The following PIWIL2 variants were observed in gnomAD, a reference collection of about 807,000 sequenced individuals.
PIWIL2 encodes piwi-like protein 2.
In PIWIL2, 81 loss-of-function variants were observed where a neutral mutation model predicts 116.5. That is an observed-to-expected ratio of 0.70 (90% confidence interval 0.58 to 0.84). The LOEUF (loss-of-function observed/expected upper bound fraction) is 0.84, where lower values mean the gene tolerates loss of function less well. Ranked by LOEUF, PIWIL2 falls within the 40% of genes least tolerant of loss-of-function variation. The pLI is 0.00. For synonymous variants in PIWIL2, 489 were observed against 429.5 expected (o/e 1.14, Z -1.71); for missense variants, 1,272 against 1,212.3 (o/e 1.05, Z -0.73).
chr8:22,307,473 A>T (rs1165185981), intron 13 of PIWIL2, among the ~76,000 whole-genome samples: 114 of 111,204 alleles, frequency 1.0e-3, no homozygotes, highest in Middle Eastern at 4.6e-3. Flanking sequence ...TTTATTATTC[A>T]TTTTTTTTTT....
intron 20 of PIWIL2, among the ~76,000 whole-genome samples, chr8:22,325,583 A>G (rs1831706464): frequency 6.9e-6 from 1 of 144,040 alleles, no homozygotes; most frequent in South Asian, 2.2e-4. Context: ...TCCCAGGTTC[A>G]AGTGATTCTC....
chr8:22,313,608 A>G (rs1038034218), intron 16 of PIWIL2, among the ~76,000 whole-genome samples: 1 of 152,246 alleles, frequency 6.6e-6, no homozygotes, highest in East Asian at 1.9e-4. Flanking sequence ...CATTACACCA[A>G]TCTTGATTTG....
intron 20 of PIWIL2, among the ~76,000 whole-genome samples, chr8:22,340,999 C>A (rs1047501428): frequency 6.6e-6 from 1 of 152,110 alleles, no homozygotes; most frequent in African/African-American, 2.4e-5. Context: ...AGGCATGAAC[C>A]ACTGCACCCT....
intron 4 of PIWIL2, among the ~76,000 whole-genome samples, chr8:22,282,599 T>C (rs1271391158): frequency 6.7e-6 from 1 of 148,396 alleles, no homozygotes; most frequent in Non-Finnish European, 1.5e-5. Flanking sequence ...ATATGTTGTG[T>C]TTTTTTTTTG....
At chr8:22,292,961 C>T (rs954995004) in intron 10 of PIWIL2, among the ~76,000 whole-genome samples, 6 of 152,094 alleles carry the variant, frequency 3.9e-5, no homozygotes, top group Admixed American at 3.3e-4. Context: ...GTGCAGGAGC[C>T]CAGTCCAAGC....
intron 20 of PIWIL2, among the ~76,000 whole-genome samples, chr8:22,334,713 T>C (rs1371358448): frequency 6.6e-6 from 1 of 152,016 alleles, no homozygotes; most frequent in African/African-American, 2.4e-5. Flanking sequence ...CCCAAAGCAC[T>C]GGGATTACAG....
intron 20 of PIWIL2, among the ~76,000 whole-genome samples, chr8:22,342,127 A>G (rs948457878): frequency 5.3e-5 from 8 of 150,124 alleles, no homozygotes; most frequent in African/African-American, 1.7e-4. Context: ...AGATGTACAC[A>G]TGGAAAACTA....
intron 6 of PIWIL2, among the ~76,000 whole-genome samples, chr8:22,286,945 G>T (rs1245366742): frequency 2.6e-5 from 4 of 151,924 alleles, no homozygotes. Flanking sequence ...TTTTTAGTCA[G>T]GTGTGGTGGT....
At chr8:22,334,094 C>G (rs1831924409) in intron 20 of PIWIL2, among the ~76,000 whole-genome samples, 1 of 151,530 alleles carries the variant, frequency 6.6e-6, no homozygotes, top group South Asian at 2.1e-4. Context: ...GTGCCTCAGC[C>G]TCCTGAGTAG....
intron 4 of PIWIL2, among the ~76,000 whole-genome samples, chr8:22,282,798 T>A (rs1830541188): frequency 6.6e-6 from 1 of 151,930 alleles, no homozygotes; most frequent in African/African-American, 2.4e-5. Flanking sequence ...CTGTATTGTT[T>A]AGGCTGGTCT....
chr8:22,331,988 A>G (rs1180849114), intron 20 of PIWIL2, among the ~76,000 whole-genome samples: 1 of 152,138 alleles, frequency 6.6e-6, no homozygotes, highest in African/African-American at 2.4e-5. Context: ...TAGCTTAGAT[A>G]TAGCTGAGGC....
intron 20 of PIWIL2, among the ~76,000 whole-genome samples, chr8:22,318,871 G>A (rs899875146): frequency 6.6e-6 from 1 of 152,178 alleles, no homozygotes; most frequent in African/African-American, 2.4e-5. Flanking sequence ...TGCCCTTATC[G>A]GGGAAGTTGG....
chr8:22,317,921 A>G (rs1831502526), intron 19 of PIWIL2, among the ~76,000 whole-genome samples: 2 of 152,150 alleles, frequency 1.3e-5, no homozygotes, highest in South Asian at 2.1e-4. Context: ...TTGGCCTCCC[A>G]AAGTGCTGAG....
intron 20 of PIWIL2, among the ~76,000 whole-genome samples, chr8:22,335,539 T>C (rs1055841846): frequency 5.0e-5 from 7 of 139,364 alleles, no homozygotes; most frequent in African/African-American, 1.8e-4. Flanking sequence ...TCAGACAAAA[T>C]AGACTTTTTT....
chr8:22,333,387 G>A (rs1024629949), intron 20 of PIWIL2, among the ~76,000 whole-genome samples: 79 of 152,126 alleles, frequency 5.2e-4, no homozygotes, highest in African/African-American at 1.9e-3. Context: ...TGAGGAGGGC[G>A]GATCACCTGA....
At chr8:22,304,244 G>A (rs762044697) in intron 11 of PIWIL2, 35 bp downstream of exon 11, 5 of 1,479,362 alleles carry the variant, frequency 3.4e-6, no homozygotes, top group Non-Finnish European at 4.7e-6. Context: ...GCCTCAGGGT[G>A]GGGGTTGGAT....
intron 20 of PIWIL2, among the ~76,000 whole-genome samples, chr8:22,341,253 CTACTT>C (rs1563422967): frequency 6.6e-6 from 1 of 151,296 alleles, no homozygotes; most frequent in Non-Finnish European, 1.5e-5. Context: ...AATCATATGA[CTACTT>C]TAGTAGATGA....
In PIWIL2 at chr8:22,314,420, G is replaced by T; in HGVS notation, c.2082G>T (p.Val694=). 6.4e-7 allele frequency: 1 copy of T among 1,556,774 alleles called. No individual in the cohort carries two copies. Among genetic ancestry groups the T allele is most frequent in the Non-Finnish European group, 8.7e-7 (1 of 1,146,888 alleles). ...IKKLCCVQSP[V]PSQVVNVRTI... is the part of the protein sequence containing the mutation. ...AGCTGTGCTGTGTGCAGTCCCCAGTGCCCTCCCAGGTGAGTGGGTGTTGGG... is the reference window on the plus strand; with the variant it reads ...AGCTGTGCTGTGTGCAGTCCCCAGTTCCCTCCCAGGTGAGTGGGTGTTGGG... Residue 694 remains valine, a synonymous_variant, in exon 17 of 23, where the codon GTG becomes GTT. Coordinates refer to ENST00000356766, the MANE Select transcript of PIWIL2 (RefSeq NM_018068.5).
rs149935521 is a variant in PIWIL2, at chr8:22,323,891, C to CT, written c.2403+5619dup. On this transcript the variant is annotated intron_variant, in intron 20 of 22. Transcript: ENST00000356766. Reference sequence around the variant, plus strand: ...TCCTCTCAGTAACATGGCTTTACCCCTTTAGGCATCCCATTTAGTTGAGCT... The same window carrying CT: ...TCCTCTCAGTAACATGGCTTTACCCCTTTTAGGCATCCCATTTAGTTGAGCT... Among the ~76,000 whole-genome samples, 1,465 of 152,302 alleles carry CT rather than the reference C, an allele frequency of 9.6e-3. 24 individuals carry two copies. Among genetic ancestry groups the CT allele is most frequent in the African/African-American group, 0.034 (1,396 of 41,564 alleles).
Sources: gnomAD v4.1 joint callset for allele counts (sites outside exome capture counted in the v4.1 genomes callset) on GRCh38, gnomAD v4.1.1 for gene constraint, MANE v1.5 for transcripts, NCBI Gene and HGNC (gene_info 2026-07-23, HGNC 2026-07-21) for gene names.